Variants in RUNX1T1 observed in about 807,000 individuals in gnomAD.
RUNX1T1 encodes RUNX1 partner transcriptional co-repressor 1.
In RUNX1T1, 4 loss-of-function variants were observed where a neutral mutation model predicts 62.8. The ratio of observed to expected loss-of-function variants is 0.06; its 90% CI spans 0.03 to 0.15. The LOEUF (loss-of-function observed/expected upper bound fraction) is 0.15. Among genes scored for constraint, RUNX1T1 ranks in the 10% least tolerant of loss-of-function variants. The pLI, the probability that RUNX1T1 is intolerant of heterozygous loss-of-function variation, is 1.00. For synonymous variants in RUNX1T1, 291 were observed against 286.0 expected, an observed-to-expected ratio of 1.02 and a Z score of -0.18; for missense variants, 508 against 754.3, an observed-to-expected ratio of 0.67 and a Z score of 3.82.
intron 1 of RUNX1T1, among the ~76,000 whole-genome samples, chr8:92,092,441 T>A (rs1837173107): frequency 6.6e-6 from 1 of 152,204 alleles, no homozygotes; most frequent in Non-Finnish European, 1.5e-5. Context: ...TTAATCATTT[T>A]ATTTAAGCAT....
intron 3 of RUNX1T1, among the ~76,000 whole-genome samples, chr8:92,012,165 A>C (rs6986808): frequency 0.26 from 40,129 of 152,138 alleles, 6,039 homozygotes; most frequent in African/African-American, 0.41. Flanking sequence ...TGAATAAACA[A>C]TAACTTCCTA....
intron 3 of RUNX1T1, among the ~76,000 whole-genome samples, chr8:92,013,243 T>C (rs958573027): frequency 2.0e-5 from 3 of 152,218 alleles, no homozygotes; most frequent in East Asian, 1.9e-4. Context: ...GTATCTGAAG[T>C]ATGCCAACAC....
chr8:92,029,314 A>G (rs1036719740), intron 1 of RUNX1T1, among the ~76,000 whole-genome samples: 1 of 152,246 alleles, frequency 6.6e-6, no homozygotes, highest in African/African-American at 2.4e-5. Flanking sequence ...TGAATAGGAT[A>G]AAAGTGGCAA....
chr8:92,096,426 C>T (rs35823020), intron 1 of RUNX1T1, among the ~76,000 whole-genome samples: 24 of 152,212 alleles, frequency 1.6e-4, no homozygotes, highest in Non-Finnish European at 3.1e-4. Context: ...CAGAGTTCAT[C>T]CCCCTCCCCA....
At chr8:92,100,295 G>C (rs1837975332), upstream of RUNX1T1, among the ~76,000 whole-genome samples, 1 of 152,022 alleles carries the variant, frequency 6.6e-6, no homozygotes, top group Non-Finnish European at 1.5e-5. Flanking sequence ...AAAATAGACT[G>C]TTTTCTCCAC....
intron 9 of RUNX1T1, among the ~76,000 whole-genome samples, chr8:91,972,235 A>T (rs1812996483): frequency 6.6e-6 from 1 of 152,136 alleles, no homozygotes; most frequent in Non-Finnish European, 1.5e-5. Flanking sequence ...TATTTCACAC[A>T]TCTATTGTCC....
At chr8:92,087,370 C>G (rs1240103194) in intron 1 of RUNX1T1, among the ~76,000 whole-genome samples, 1 of 125,092 alleles carries the variant, frequency 8.0e-6, no homozygotes, top group East Asian at 2.6e-4. Context: ...CTCTCTCCAC[C>G]CCTACTCCAC....
upstream of RUNX1T1, among the ~76,000 whole-genome samples, chr8:92,101,381 G>C (rs1838027522): frequency 6.6e-6 from 1 of 152,136 alleles, no homozygotes; most frequent in Non-Finnish European, 1.5e-5. Flanking sequence ...TGTCTGGAGT[G>C]GCCTCTCCAG....
intron 1 of RUNX1T1, among the ~76,000 whole-genome samples, chr8:92,094,088 A>T (rs1041088854): frequency 6.6e-6 from 1 of 152,224 alleles, no homozygotes; most frequent in African/African-American, 2.4e-5. Context: ...TGTGAATTTC[A>T]GTGTTTCATC....
intron 1 of RUNX1T1, among the ~76,000 whole-genome samples, chr8:92,091,508 G>C (rs1837012210): frequency 2.6e-5 from 4 of 152,190 alleles, no homozygotes; most frequent in Admixed American, 6.5e-5. Flanking sequence ...ATTTCAAAAA[G>C]AGGCACAGGA....
chr8:92,028,235 A>T (rs528809061), intron 1 of RUNX1T1, among the ~76,000 whole-genome samples: 99 of 152,006 alleles, frequency 6.5e-4, no homozygotes, highest in Admixed American at 1.2e-3. Flanking sequence ...ATTTTAATCA[A>T]ATAACTTAGC....
chr8:92,024,901 C>T (rs1282425688), intron 1 of RUNX1T1, among the ~76,000 whole-genome samples: 1 of 152,126 alleles, frequency 6.6e-6, no homozygotes, highest in Non-Finnish European at 1.5e-5. Flanking sequence ...ATTTGCCATC[C>T]TCTATGTAAA....
chr8:92,034,809 C>CGTATACATATATAT (rs1563811175), intron 1 of RUNX1T1, among the ~76,000 whole-genome samples: 8 of 139,332 alleles, frequency 5.7e-5, no homozygotes, highest in South Asian at 4.3e-4. Flanking sequence ...CACACACACA[C>CGTATACATATATAT]ACACACACAC....
intron 1 of RUNX1T1, among the ~76,000 whole-genome samples, chr8:92,052,992 G>T (rs987659860): frequency 6.6e-6 from 1 of 152,130 alleles, no homozygotes; most frequent in African/African-American, 2.4e-5. Flanking sequence ...CAAAGTATCT[G>T]CCGAATTAGC....
intron 1 of RUNX1T1, among the ~76,000 whole-genome samples, chr8:92,057,928 A>G (rs1457525554): frequency 6.6e-6 from 1 of 152,194 alleles, no homozygotes; most frequent in Non-Finnish European, 1.5e-5. Context: ...TGAATGCCCT[A>G]TCCTTAGTAT....
chr8:91,982,323 C>T (rs1815502109), intron 8 of RUNX1T1, among the ~76,000 whole-genome samples: 1 of 150,350 alleles, frequency 6.7e-6, no homozygotes. Flanking sequence ...AGACAAACTA[C>T]AGAAAGATTC....
intron 1 of RUNX1T1, among the ~76,000 whole-genome samples, chr8:92,082,486 G>A (rs764854198): frequency 3.9e-5 from 6 of 152,064 alleles, no homozygotes; most frequent in Non-Finnish European, 8.8e-5. Context: ...CTCACAAGTC[G>A]ATATTAAGAC....
upstream of RUNX1T1, among the ~76,000 whole-genome samples, chr8:92,066,722 A>G (rs1182445037): frequency 1.3e-5 from 2 of 152,248 alleles, no homozygotes; most frequent in Non-Finnish European, 2.9e-5. Flanking sequence ...CCTGACAAAG[A>G]TAAATCCAAT....
At chr8:92,095,315 G>A (rs1418588216) in intron 1 of RUNX1T1, 2 of 1,526,522 alleles carry the variant, frequency 1.3e-6, no homozygotes, top group Admixed American at 4.0e-5. Flanking sequence ...CTTCCTCCCT[G>A]CTCGCCTCCC....
Sources: gnomAD v4.1 joint callset for allele counts (sites outside exome capture counted in the v4.1 genomes callset) on GRCh38, gnomAD v4.1.1 for gene constraint, MANE v1.5 for transcripts, NCBI Gene and HGNC (gene_info 2026-07-23, HGNC 2026-07-21) for gene names.